BIN3: variants seen among roughly 807,000 people sequenced by gnomAD.
The protein encoded by BIN3 is bridging integrator 3.
Under a neutral mutation model 38.2 loss-of-function variants are expected in BIN3, and 41 were observed. That is an observed-to-expected ratio of 1.07 (90% CI 0.84 to 1.39). The LOEUF is 1.39. Among genes scored for constraint, BIN3 ranks in the 40% most tolerant of loss-of-function variants. The pLI, the probability that BIN3 is intolerant of heterozygous loss-of-function variation, is 0.00. For missense variants in BIN3, 361 were observed against 324.3 expected (o/e 1.11, Z -0.87); for synonymous variants, 145 against 122.6 (o/e 1.18, Z -1.21).
At chr8:22,631,734 T>C (rs1038311) in intron 4 of BIN3, among the ~76,000 whole-genome samples, 98,330 of 151,964 alleles carry the variant, frequency 0.65, 32,483 homozygotes, top group South Asian at 0.77. Flanking sequence ...CGGATCCCCA[T>C]GAATGTGCCG....
chr8:22,644,834 G>T (rs1309058189), intron 1 of BIN3, 31 bp from the exon 2 acceptor site: 6 of 1,589,154 alleles, frequency 3.8e-6, no homozygotes, highest in Middle Eastern at 1.7e-4. Flanking sequence ...GAGAGATATT[G>T]TGAGAAGTGG....
At chr8:22,623,408 C>A (rs1801904114) in intron 8 of BIN3, among the ~76,000 whole-genome samples, 1 of 152,176 alleles carries the variant, frequency 6.6e-6, no homozygotes, top group Non-Finnish European at 1.5e-5. Context: ...TAGGAGCAGC[C>A]CTGATTGTGG....
intron 2 of BIN3, among the ~76,000 whole-genome samples, chr8:22,642,866 AG>A (rs1802606959): frequency 6.6e-6 from 1 of 152,160 alleles, no homozygotes; most frequent in Admixed American, 6.5e-5. Flanking sequence ...CCATAATCAG[AG>A]GACCACAATT....
chr8:22,644,961 G>T, intron 1 of BIN3, 158 bp from the exon 2 acceptor site: 2 of 620,262 alleles, frequency 3.2e-6, no homozygotes, highest in South Asian at 3.6e-5. Flanking sequence ...TACAACCATT[G>T]GCATCTGGGC....
intron 8 of BIN3, 97 bp from the exon 9 acceptor site, chr8:22,621,665 A>T (rs749277041): frequency 7.0e-6 from 9 of 1,284,694 alleles, no homozygotes; most frequent in Non-Finnish European, 9.9e-6. Flanking sequence ...CCCTGCCCTT[A>T]CCCATCTGGA....
At chr8:22,661,340 G>C (rs1803228558) in intron 1 of BIN3, among the ~76,000 whole-genome samples, 1 of 134,184 alleles carries the variant, frequency 7.5e-6, no homozygotes, top group South Asian at 2.5e-4. Flanking sequence ...GTACAATGTT[G>C]AATGTATCAT....
chr8:22,643,661 G>T (rs1386718416), intron 2 of BIN3, among the ~76,000 whole-genome samples: 1 of 152,220 alleles, frequency 6.6e-6, no homozygotes, highest in Non-Finnish European at 1.5e-5. Context: ...CTCTGGATTT[G>T]CTAGAGATGG....
At chr8:22,622,879 T>C (rs1005975376) in intron 8 of BIN3, among the ~76,000 whole-genome samples, 6 of 152,202 alleles carry the variant, frequency 3.9e-5, no homozygotes, top group Non-Finnish European at 8.8e-5. Flanking sequence ...CCCCTAAAGA[T>C]GGCACAGGAC....
At chr8:22,648,199 C>G (rs1413987444) in intron 1 of BIN3, among the ~76,000 whole-genome samples, 2 of 151,752 alleles carry the variant, frequency 1.3e-5, no homozygotes, top group East Asian at 3.9e-4. Flanking sequence ...CTATGTTGCC[C>G]ACCCTCAGTT....
intron 6 of BIN3, chr8:22,624,937 A>T: frequency 4.1e-6 from 1 of 246,488 alleles, no homozygotes; most frequent in South Asian, 8.9e-5. Flanking sequence ...TCACAGTGCC[A>T]CTGGCAGGTG....
intron 1 of BIN3, 97 bp from the exon 2 acceptor site, chr8:22,644,900 C>T (rs1005674928): frequency 3.2e-5 from 36 of 1,112,470 alleles, no homozygotes; most frequent in East Asian, 5.2e-5. Flanking sequence ...CCCAGGAGGG[C>T]GAGGAAGCGT....
At chr8:22,651,290 G>A (rs1172518296) in intron 1 of BIN3, among the ~76,000 whole-genome samples, 1 of 151,994 alleles carries the variant, frequency 6.6e-6, no homozygotes, top group Admixed American at 6.5e-5. Context: ...CACATTCATC[G>A]TTATCAGGTG....
At chr8:22,635,701 C>T (rs1319035100) in intron 4 of BIN3, among the ~76,000 whole-genome samples, 1 of 152,212 alleles carries the variant, frequency 6.6e-6, no homozygotes, top group Non-Finnish European at 1.5e-5. Flanking sequence ...TGAGGTAGAG[C>T]TAAGTCAGCT....
At chr8:22,667,864 C>G (rs577991334) in intron 1 of BIN3, among the ~76,000 whole-genome samples, 1 of 152,306 alleles carries the variant, frequency 6.6e-6, no homozygotes, top group East Asian at 1.9e-4. Context: ...AGAAGTATCC[C>G]TGACACTGAC....
intron 2 of BIN3, among the ~76,000 whole-genome samples, chr8:22,643,646 C>A (rs781122236): frequency 9.2e-5 from 14 of 152,190 alleles, no homozygotes; most frequent in Non-Finnish European, 1.9e-4. Flanking sequence ...TCTCAAGTGA[C>A]CTTACTCTGG....
chr8:22,655,457 G>A (rs747326089), intron 1 of BIN3, among the ~76,000 whole-genome samples: 1 of 152,194 alleles, frequency 6.6e-6, no homozygotes, highest in Non-Finnish European at 1.5e-5. Context: ...TTTTAAATAT[G>A]GTGTGAGGTA....
intron 1 of BIN3, among the ~76,000 whole-genome samples, chr8:22,655,830 C>T (rs909888743): frequency 2.0e-4 from 31 of 151,920 alleles, no homozygotes. Context: ...ATGACTAGTC[C>T]ATTGTTTTAA....
chr8:22,638,168 G>C (rs761522407), intron 2 of BIN3, among the ~76,000 whole-genome samples: 1 of 152,238 alleles, frequency 6.6e-6, no homozygotes, highest in African/African-American at 2.4e-5. Context: ...TGCAGAAACT[G>C]TCAAAGCCAC....
At chr8:22,622,782 GGGGC>G (rs1221859597) in intron 8 of BIN3, 2 of 152,386 alleles carry the variant, frequency 1.3e-5, no homozygotes, top group African/African-American at 4.8e-5. Context: ...TGAACCCAAT[GGGGC>G]GGCTGGAGGG....
Sources: gnomAD v4.1 joint callset for allele counts (sites outside exome capture counted in the v4.1 genomes callset) on GRCh38, gnomAD v4.1.1 for gene constraint, MANE v1.5 for transcripts, NCBI Gene and HGNC (gene_info 2026-07-23, HGNC 2026-07-21) for gene names.